Variants in ESRRG observed in about 807,000 individuals in gnomAD.
The protein encoded by ESRRG is estrogen related receptor gamma, also known as estrogen-related receptor gamma.
A neutral mutation model predicts 44.0 loss-of-function variants in ESRRG; 13 were observed. That is an observed-to-expected ratio of 0.30 (90% CI 0.19 to 0.47). ESRRG has a LOEUF of 0.47. Among genes scored for constraint, ESRRG ranks in the 20% least tolerant of loss-of-function variants. The probability of loss-of-function intolerance (pLI) is 1.00; values close to 1 mark genes in which losing one functional copy is unlikely to be tolerated. For missense variants in ESRRG, 395 were observed against 580.6 expected (o/e 0.68, Z 3.29); for synonymous variants, 215 against 214.6 (o/e 1.00, Z -0.02).
At chr1:216,794,341 G>C (rs188918369) in intron 2 of ESRRG, among the ~76,000 whole-genome samples, 1 of 152,142 alleles carries the variant, frequency 6.6e-6, no homozygotes, top group Non-Finnish European at 1.5e-5. Context: ...AAACCGCTTG[G>C]GGGGAATCCG....
chr1:216,541,561 A>AGTGTGTGTGTGTGTGTGT (rs34245595), intron 5 of ESRRG, among the ~76,000 whole-genome samples: 3 of 130,314 alleles, frequency 2.3e-5, no homozygotes, highest in African/African-American at 5.7e-5. Flanking sequence ...TCTTTTGGTT[A>AGTGTGTGTGTGTGTGTGT]GTGTGTGTGT....
chr1:216,978,808 G>C (rs1172611472), intron 1 of ESRRG, among the ~76,000 whole-genome samples: 2 of 152,130 alleles, frequency 1.3e-5, no homozygotes, highest in Non-Finnish European at 2.9e-5. Flanking sequence ...AGCCACTGTG[G>C]CTTCTCAAAG....
intron 2 of ESRRG, among the ~76,000 whole-genome samples, chr1:216,910,669 C>A (rs2060201387): frequency 6.6e-6 from 1 of 152,120 alleles, no homozygotes; most frequent in Non-Finnish European, 1.5e-5. Flanking sequence ...GGAAATGGGG[C>A]CGACAATGCT....
chr1:216,787,344 C>A (rs1407513888), intron 2 of ESRRG, among the ~76,000 whole-genome samples: 1 of 152,024 alleles, frequency 6.6e-6, no homozygotes, highest in Non-Finnish European at 1.5e-5. Flanking sequence ...GTGGTTCACA[C>A]CTGTAATCCC....
chr1:216,610,525 T>C (rs1378183636), intron 3 of ESRRG, among the ~76,000 whole-genome samples: 2 of 152,096 alleles, frequency 1.3e-5, no homozygotes, highest in African/African-American at 2.4e-5. Flanking sequence ...TGCACTGCAG[T>C]GTAGGAGAAA....
intron 2 of ESRRG, among the ~76,000 whole-genome samples, chr1:216,779,178 T>TATATAAATATAAATTTATATTTATAA (rs1157311947): frequency 1.2e-4 from 6 of 49,670 alleles, no homozygotes; most frequent in Admixed American, 2.9e-4. Context: ...TATATATAAT[T>TATATAAATATAAATTTATATTTATAA]ATATAAATAT....
chr1:216,856,367 A>G (rs1577296629), intron 2 of ESRRG, among the ~76,000 whole-genome samples: 1 of 151,584 alleles, frequency 6.6e-6, no homozygotes, highest in African/African-American at 2.4e-5. Context: ...ACACACACAC[A>G]CACACACACA....
chr1:217,095,711 G>T (rs1580561669), intron 1 of ESRRG, among the ~76,000 whole-genome samples: 1 of 152,332 alleles, frequency 6.6e-6, no homozygotes, highest in Middle Eastern at 3.4e-3. Flanking sequence ...GGAACATCCA[G>T]ATTCCACAGG....
At chr1:216,725,894 A>G (rs946256971), upstream of ESRRG, among the ~76,000 whole-genome samples, 2 of 152,152 alleles carry the variant, frequency 1.3e-5, no homozygotes, top group Non-Finnish European at 1.5e-5. Context: ...TACTCCTTTG[A>G]AATGGCTTTT....
intron 2 of ESRRG, among the ~76,000 whole-genome samples, chr1:216,870,917 T>C (rs931908254): frequency 6.6e-6 from 1 of 151,996 alleles, no homozygotes; most frequent in African/African-American, 2.4e-5. Context: ...ATCAATTGTG[T>C]TGATTTCTAA....
intron 2 of ESRRG, among the ~76,000 whole-genome samples, chr1:216,787,306 T>C (rs767398546): frequency 6.6e-6 from 1 of 151,850 alleles, no homozygotes; most frequent in Non-Finnish European, 1.5e-5. Flanking sequence ...ATAAGGCCAT[T>C]TAAAAACCCC....
At chr1:216,989,857 T>C (rs2075415837) in intron 1 of ESRRG, among the ~76,000 whole-genome samples, 1 of 152,154 alleles carries the variant, frequency 6.6e-6, no homozygotes, top group Non-Finnish European at 1.5e-5. Context: ...TATCACTAGT[T>C]GTTGGTATGT....
At chr1:216,831,154 G>C (rs781085850) in intron 2 of ESRRG, among the ~76,000 whole-genome samples, 26 of 152,024 alleles carry the variant, frequency 1.7e-4, no homozygotes, top group Admixed American at 1.2e-3. Flanking sequence ...TATTTCAAAG[G>C]GGGGAGGGGA....
At chr1:216,587,081 G>A (rs994740607) in intron 3 of ESRRG, among the ~76,000 whole-genome samples, 1 of 152,006 alleles carries the variant, frequency 6.6e-6, no homozygotes, top group Non-Finnish European at 1.5e-5. Context: ...AAATGACAAT[G>A]GAAGTAAAAT....
At chr1:216,818,898 G>A (rs2095225121) in intron 2 of ESRRG, among the ~76,000 whole-genome samples, 1 of 152,026 alleles carries the variant, frequency 6.6e-6, no homozygotes, top group South Asian at 2.1e-4. Context: ...GTTTCCTGAG[G>A]ATAACAGCTT....
At chr1:217,090,053 A>T (rs953776906), upstream of ESRRG, among the ~76,000 whole-genome samples, 7 of 152,156 alleles carry the variant, frequency 4.6e-5, no homozygotes, top group Non-Finnish European at 1.0e-4. Flanking sequence ...AATTCCCGGC[A>T]CTGTCATGAT....
chr1:216,945,608 TC>T (rs1217732700), intron 1 of ESRRG, among the ~76,000 whole-genome samples: 2 of 152,190 alleles, frequency 1.3e-5, no homozygotes, highest in Non-Finnish European at 2.9e-5. Context: ...ACTTCTCCTT[TC>T]TTTTCAGATT....
At chr1:216,821,939 G>A (rs2095306948) in intron 2 of ESRRG, among the ~76,000 whole-genome samples, 1 of 151,686 alleles carries the variant, frequency 6.6e-6, no homozygotes, top group Admixed American at 6.6e-5. Context: ...TCAAAGCTTG[G>A]GATGCTGACC....
At chr1:216,548,149 C>A (rs192962175) in intron 5 of ESRRG, among the ~76,000 whole-genome samples, 2 of 151,996 alleles carry the variant, frequency 1.3e-5, no homozygotes, top group African/African-American at 2.4e-5. Flanking sequence ...AGAAAAGGTA[C>A]GGAAGTGGCA....
Sources: gnomAD v4.1 joint callset for allele counts (sites outside exome capture counted in the v4.1 genomes callset) on GRCh38, gnomAD v4.1.1 for gene constraint, MANE v1.5 for transcripts, NCBI Gene and HGNC (gene_info 2026-07-23, HGNC 2026-07-21) for gene names.